Variants in NRXN1 observed in about 807,000 individuals in gnomAD.
NRXN1 encodes the protein neurexin-1.
NRXN1 carries 39 observed loss-of-function variants against 150.9 expected under a neutral mutation model. The observed-to-expected ratio is 0.26, with a 90% CI of 0.20 to 0.34. The LOEUF (loss-of-function observed/expected upper bound fraction) is 0.34. Ranked by LOEUF, NRXN1 falls within the 10% of genes least tolerant of loss-of-function variation. The probability of loss-of-function intolerance (pLI) is 1.00; values close to 1 mark genes in which losing one functional copy is unlikely to be tolerated. For missense variants in NRXN1, 1,815 were observed against 1,949.9 expected (o/e 0.93, Z 1.30); for synonymous variants, 924 against 757.0 (o/e 1.22, Z -3.62).
chr2:50,560,166 A>G (rs1668841521), intron 8 of NRXN1, among the ~76,000 whole-genome samples: 1 of 152,190 alleles, frequency 6.6e-6, no homozygotes, highest in African/African-American at 2.4e-5. Context: ...TCTTACACTG[A>G]AGGTCTAGCA....
intron 19 of NRXN1, among the ~76,000 whole-genome samples, chr2:50,072,404 G>A (rs1696418147): frequency 6.6e-6 from 1 of 151,796 alleles, no homozygotes; most frequent in Non-Finnish European, 1.5e-5. Flanking sequence ...CTTCAATTTG[G>A]AAACTACTGT....
chr2:50,551,053 A>AGAGGAAGAG (rs1321595040), intron 9 of NRXN1, among the ~76,000 whole-genome samples: 37 of 120,358 alleles, frequency 3.1e-4, no homozygotes, highest in African/African-American at 9.0e-4. Flanking sequence ...AGGAAGAGGA[A>AGAGGAAGAG]GAAGAAGAAG....
intron 5 of NRXN1, among the ~76,000 whole-genome samples, chr2:50,895,845 G>A (rs560896359): frequency 2.0e-5 from 3 of 152,194 alleles, no homozygotes; most frequent in East Asian, 1.9e-4. Flanking sequence ...CTCCCAAAGT[G>A]CTGGGATTAC....
chr2:50,829,704 A>G, intron 5 of NRXN1: 4 of 1,602,458 alleles, frequency 2.5e-6, no homozygotes, highest in Admixed American at 1.7e-5. Flanking sequence ...GGCCGCCCGC[A>G]CACCCAGAGC....
At chr2:50,736,211 T>A (rs1419777206) in intron 5 of NRXN1, among the ~76,000 whole-genome samples, 1 of 152,160 alleles carries the variant, frequency 6.6e-6, no homozygotes, top group Non-Finnish European at 1.5e-5. Context: ...TTCCTCTACA[T>A]AACATCCTTT....
intron 5 of NRXN1, among the ~76,000 whole-genome samples, chr2:50,766,550 G>T (rs1399830266): frequency 2.0e-5 from 3 of 151,998 alleles, no homozygotes; most frequent in Non-Finnish European, 2.9e-5. Flanking sequence ...AAACAGGGCT[G>T]CAGGATTTAA....
chr2:50,903,225 A>G (rs138595891), intron 5 of NRXN1, among the ~76,000 whole-genome samples: 60 of 152,208 alleles, frequency 3.9e-4, no homozygotes, highest in African/African-American at 1.4e-3. Flanking sequence ...GACCCTTTGC[A>G]ATCTCTTTAT....
chr2:50,320,627 A>C (rs1364954164), intron 17 of NRXN1, among the ~76,000 whole-genome samples: 1 of 151,866 alleles, frequency 6.6e-6, no homozygotes, highest in African/African-American at 2.4e-5. Flanking sequence ...TAGGGAATTG[A>C]TGAATGGACA....
At chr2:50,505,654 C>T (rs754110758) in intron 13 of NRXN1, among the ~76,000 whole-genome samples, 3 of 152,028 alleles carry the variant, frequency 2.0e-5, no homozygotes, top group Non-Finnish European at 2.9e-5. Context: ...AGTTAAGGAA[C>T]GATTGTTTCA....
intron 5 of NRXN1, among the ~76,000 whole-genome samples, chr2:50,804,503 A>C (rs575459091): frequency 3.2e-4 from 49 of 152,310 alleles, no homozygotes; most frequent in Non-Finnish European, 6.0e-4. Flanking sequence ...TCAGACTCCA[A>C]AATCTGAAAC....
chr2:50,826,672 G>A (rs577807678), intron 5 of NRXN1, among the ~76,000 whole-genome samples: 7 of 152,088 alleles, frequency 4.6e-5, no homozygotes, highest in Non-Finnish European at 1.0e-4. Flanking sequence ...TGAACAACAA[G>A]GCATATACTA....
intron 5 of NRXN1, among the ~76,000 whole-genome samples, chr2:50,753,262 A>C (rs2105339993): frequency 6.6e-6 from 1 of 152,066 alleles, no homozygotes; most frequent in Admixed American, 6.6e-5. Flanking sequence ...ATAAAATTAA[A>C]ATTAAAAAGC....
At chr2:50,759,797 C>A (rs919759756) in intron 5 of NRXN1, among the ~76,000 whole-genome samples, 1 of 149,612 alleles carries the variant, frequency 6.7e-6, no homozygotes, top group African/African-American at 2.5e-5. Context: ...CTTTTCTGAC[C>A]AATGCTTAGC....
chr2:50,101,927 C>T (rs1701034567), intron 18 of NRXN1, among the ~76,000 whole-genome samples: 1 of 152,004 alleles, frequency 6.6e-6, no homozygotes, highest in African/African-American at 2.4e-5. Flanking sequence ...GAAAAGCTGA[C>T]AGTGCTAACT....
intron 18 of NRXN1, among the ~76,000 whole-genome samples, chr2:50,202,858 ATT>A (rs145667152): frequency 6.6e-6 from 1 of 151,404 alleles, no homozygotes; most frequent in Non-Finnish European, 1.5e-5. Context: ...ACTGATCCAC[ATT>A]TTTTTTTGTT....
At position 50,506,407 on chromosome 2, in the gene NRXN1, G is replaced by T. The variant is rs13008919; in HGVS notation, c.2497+88C>A. The T allele has an allele frequency of 0.11, 137,648 of 1,218,988 alleles. 11,123 individuals are homozygous for T. Among genetic ancestry groups the T allele is most frequent in the East Asian group, 0.36 (14,371 of 39,826 alleles). The allele number at this position is 1,218,988 out of a possible 1,614,324, so 75.5% of individuals were successfully genotyped here. ...ATTGTGTGAATACATTTCAAGTTGT[G>T]TACCAGCCTTGGTGTGCAAAACCAC... On this transcript the variant is annotated intron_variant, in intron 13 of 22. Transcript: ENST00000401669.
chr2:50,584,807 G>A (rs1302743419), intron 8 of NRXN1, among the ~76,000 whole-genome samples: 1 of 152,136 alleles, frequency 6.6e-6, no homozygotes, highest in Non-Finnish European at 1.5e-5. Flanking sequence ...ATGGAAATAT[G>A]AGAGTTCACA....
At chr2:50,666,876 A>AGTGTG (rs2104691881) in intron 5 of NRXN1, among the ~76,000 whole-genome samples, 2 of 33,816 alleles carry the variant, frequency 5.9e-5, no homozygotes, top group Non-Finnish European at 1.3e-4. Context: ...GATGATGATG[A>AGTGTG]TGATGTGTGT....
rs545187211 is a variant in NRXN1, at chr2:50,541,279, C to T, written c.1760-2643G>A. Among the ~76,000 whole-genome samples the T allele has an allele frequency of 1.1e-4, 17 of 152,214 alleles. No individual in the cohort carries two copies. The South Asian group carries it at 1.9e-3, about 17-fold the overall frequency. ...GCTGTACTGTCCTTGCTCAGGGTAT[C>T]GTAATTCTGACACTAAGAGGACTCC... is the stretch of plus-strand genomic sequence containing the variant. On this transcript the variant is annotated intron_variant, in intron 9 of 22. Coordinates refer to ENST00000401669, the MANE Select transcript of NRXN1 (RefSeq NM_001330078.2).
Sources: allele counts gnomAD v4.1 joint callset (sites outside exome capture counted in the v4.1 genomes callset), GRCh38; gene constraint gnomAD v4.1.1; transcripts MANE v1.5; gene names NCBI Gene and HGNC (gene_info 2026-07-23, HGNC 2026-07-21).